Variants in CSMD1 observed in about 807,000 individuals in gnomAD.
The protein encoded by CSMD1 is CUB and sushi domain-containing protein 1.
Under a neutral mutation model 417.5 loss-of-function variants are expected in CSMD1, and 213 were observed. The ratio of observed to expected loss-of-function variants is 0.51; its 90% confidence interval spans 0.46 to 0.57. The LOEUF is 0.57. CSMD1 is among the 20% of genes least tolerant of loss of function. The probability of loss-of-function intolerance (pLI) is 0.00; values close to 1 mark genes in which losing one functional copy is unlikely to be tolerated. For synonymous variants in CSMD1, 2,862 were observed against 1,736.8 expected, an observed-to-expected ratio of 1.65 and a Z score of -16.11; for missense variants, 6,923 against 4,529.7, an observed-to-expected ratio of 1.53 and a Z score of -15.17.
chr8:4,191,336 C>A (rs10111021), intron 3 of CSMD1, among the ~76,000 whole-genome samples: 16,220 of 152,022 alleles, frequency 0.11, 973 homozygotes, highest in East Asian at 0.24. Flanking sequence ...GCAGAGCCTG[C>A]AGTGAGCAGA....
intron 5 of CSMD1, among the ~76,000 whole-genome samples, chr8:3,892,025 CA>C (rs200597093): frequency 4.6e-3 from 108 of 23,228 alleles, no homozygotes; most frequent in South Asian, 0.017. Context: ...TAGTCGCAAA[CA>C]AAAAAAAAAA....
chr8:3,667,622 C>T (rs1585043988), intron 7 of CSMD1, among the ~76,000 whole-genome samples: 2 of 152,178 alleles, frequency 1.3e-5, no homozygotes, highest in Non-Finnish European at 1.5e-5. Context: ...AGGAGTCCTC[C>T]TCCTTATTTG....
chr8:3,706,012 A>G (rs1380502868), intron 7 of CSMD1, among the ~76,000 whole-genome samples: 3 of 152,238 alleles, frequency 2.0e-5, no homozygotes, highest in Non-Finnish European at 4.4e-5. Context: ...TAAAGGATTC[A>G]TGAGGTGCTG....
intron 15 of CSMD1, among the ~76,000 whole-genome samples, chr8:3,404,353 AAAAT>A (rs1383609544): frequency 8.8e-6 from 1 of 113,644 alleles, no homozygotes; most frequent in African/African-American, 3.1e-5. Context: ...AAAAAAAAAA[AAAAT>A]TGCGTTTCTA....
intron 2 of CSMD1, among the ~76,000 whole-genome samples, chr8:4,573,375 C>A (rs571892030): frequency 6.9e-4 from 105 of 152,218 alleles, no homozygotes; most frequent in African/African-American, 2.4e-3. Flanking sequence ...AACAGTCAGG[C>A]CCCTCTTCTG....
chr8:4,381,697 A>G (rs1234367572), intron 3 of CSMD1, among the ~76,000 whole-genome samples: 5 of 152,136 alleles, frequency 3.3e-5, no homozygotes, highest in East Asian at 1.9e-4. Flanking sequence ...AGATGCGTCA[A>G]CATCTCCAAA....
intron 1 of CSMD1, among the ~76,000 whole-genome samples, chr8:4,819,181 A>C (rs1193232372): frequency 2.0e-5 from 3 of 152,194 alleles, no homozygotes; most frequent in Non-Finnish European, 2.9e-5. Flanking sequence ...CAAGGAACAC[A>C]CATTCAATTT....
chr8:2,960,137 G>C (rs150671767), intron 62 of CSMD1, among the ~76,000 whole-genome samples: 1 of 152,198 alleles, frequency 6.6e-6, no homozygotes, highest in African/African-American at 2.4e-5. Flanking sequence ...CAGTGAGAGC[G>C]ACATCCATAT....
At position 2,974,594 on chromosome 8, in the gene CSMD1, G is replaced by A. The variant is rs1302394891; in HGVS notation, c.8597C>T (p.Ala2866Val). The A allele has an allele frequency of 1.2e-6, 2 of 1,610,254 alleles. No individual in the cohort carries two copies. The highest frequency in any genetic ancestry group is 1.7e-5 in the Admixed American group (1 of 59,534). ...AISCGHPGVPANAVLTGELFT... is the reference protein window; with the variant it reads ...AISCGHPGVPVNAVLTGELFT... ...CAGCTCTCCAGTGAGGACGGCGTTG[G>A]CAGGGACCCCTGGGTGTCCACACGA... Residue 2866 changes from alanine (A) to valine (V), a missense_variant, in exon 56 of 70, where the codon GCC becomes GTC. Transcript: ENST00000635120.
intron 39 of CSMD1, among the ~76,000 whole-genome samples, chr8:3,152,677 T>C (rs1412967189): frequency 6.6e-6 from 1 of 152,214 alleles, no homozygotes; most frequent in African/African-American, 2.4e-5. Flanking sequence ...TTTAAAAGTA[T>C]ATTTTTGTGG....
Position 2,949,392 on chromosome 8 carries a change from A to C in CSMD1, c.10315-6T>G, listed in dbSNP as rs773472772. On this transcript the variant is annotated splice_region_variant and splice_polypyrimidine_tract_variant and intron_variant, in intron 67 of 69. Transcript: ENST00000635120. The stretch of plus-strand genomic sequence containing the variant: ...CTTTCAAGTCCAGATGACACCTGAC[A>C]CATAGGAAAGAAAAGAAAAGAAATA... 5.2e-6 allele frequency: 5 copies of C among 959,032 alleles called. No individual in the cohort carries two copies. The highest frequency in any genetic ancestry group is 7.6e-6 in the Non-Finnish European group (5 of 660,012). 59.4% of individuals were successfully genotyped at this position (959,032 alleles called of 1,614,324 possible).
intron 3 of CSMD1, among the ~76,000 whole-genome samples, chr8:4,378,800 C>T (rs770839224): frequency 1.3e-5 from 2 of 152,106 alleles, no homozygotes; most frequent in East Asian, 3.9e-4. Context: ...TGTAAGACGT[C>T]AAGGGAGCTT....
At chr8:3,414,211 GCAAAAAAAA>G (rs1812986941) in intron 12 of CSMD1, among the ~76,000 whole-genome samples, 1 of 2,176 alleles carries the variant, frequency 4.6e-4, no homozygotes, top group African/African-American at 1.1e-3. Context: ...TGCACCTAAA[GCAAAAAAAA>G]AAAAAAAAAA....
At chr8:4,759,576 C>G (rs558354044) in intron 1 of CSMD1, among the ~76,000 whole-genome samples, 2 of 143,170 alleles carry the variant, frequency 1.4e-5, no homozygotes, top group African/African-American at 5.6e-5. Flanking sequence ...GAACCATCCC[C>G]CTGTCAGGTC....
chr8:2,995,547 G>A (rs1392534367), intron 54 of CSMD1, among the ~76,000 whole-genome samples: 1 of 152,134 alleles, frequency 6.6e-6, no homozygotes, highest in Non-Finnish European at 1.5e-5. Flanking sequence ...ACACTCTTGG[G>A]CATTTTTCCC....
At chr8:3,268,620 G>A (rs1371327971) in intron 26 of CSMD1, among the ~76,000 whole-genome samples, 1 of 152,054 alleles carries the variant, frequency 6.6e-6, no homozygotes, top group Non-Finnish European at 1.5e-5. Context: ...CTTGGTGACT[G>A]GCATTTTTTG....
chr8:3,881,762 T>G (rs761878100), intron 5 of CSMD1, among the ~76,000 whole-genome samples: 1 of 152,058 alleles, frequency 6.6e-6, no homozygotes, highest in African/African-American at 2.4e-5. Flanking sequence ...AATTAATTAC[T>G]TAAGACTCTG....
intron 1 of CSMD1, among the ~76,000 whole-genome samples, chr8:4,922,166 G>C (rs1422453251): frequency 1.3e-5 from 2 of 152,044 alleles, no homozygotes; most frequent in Admixed American, 1.3e-4. Context: ...ATTCTAGAAG[G>C]GGTGAAGTAC....
intron 11 of CSMD1, among the ~76,000 whole-genome samples, chr8:3,477,570 G>A (rs749146840): frequency 1.3e-4 from 20 of 152,184 alleles, no homozygotes; most frequent in East Asian, 3.8e-4. Flanking sequence ...TCTTGAGGAT[G>A]GAGTAAAATA....
Sources: gnomAD v4.1 joint callset for allele counts (sites outside exome capture counted in the v4.1 genomes callset) on GRCh38, gnomAD v4.1.1 for gene constraint, MANE v1.5 for transcripts, NCBI Gene and HGNC (gene_info 2026-07-23, HGNC 2026-07-21) for gene names.